LRP1B: variants seen among roughly 807,000 people sequenced by gnomAD.
LRP1B encodes the protein LDL receptor related protein 1B, also known as low-density lipoprotein receptor-related protein 1B.
Under a neutral mutation model 556.6 loss-of-function variants are expected in LRP1B, and 217 were observed. The ratio of observed to expected loss-of-function variants is 0.39; its 90% CI spans 0.35 to 0.44. The LOEUF is 0.44. Ranked by LOEUF, LRP1B falls within the 20% of genes least tolerant of loss-of-function variation. LRP1B has a pLI of 1.00. For missense variants in LRP1B, 5,053 were observed against 5,620.8 expected (o/e 0.90, Z 3.23); for synonymous variants, 2,047 against 1,865.8 (o/e 1.10, Z -2.50).
chr2:141,139,788 TG>T (rs1558887138), intron 7 of LRP1B, among the ~76,000 whole-genome samples: 10 of 92,498 alleles, frequency 1.1e-4, no homozygotes, highest in African/African-American at 5.8e-4. Context: ...AAAATGTGTG[TG>T]TGTGTGTGTG....
intron 7 of LRP1B, among the ~76,000 whole-genome samples, chr2:141,089,142 A>G (rs1464401211): frequency 6.6e-6 from 1 of 152,192 alleles, no homozygotes. Flanking sequence ...CCTCAAATCC[A>G]TTATAGTTTG....
At chr2:141,653,287 T>A in intron 2 of LRP1B, among the ~76,000 whole-genome samples, 1 of 152,184 alleles carries the variant, frequency 6.6e-6, no homozygotes. Flanking sequence ...TTAGCAGGCA[T>A]GTTGCAAGAT....
chr2:141,945,931 G>GATTTATTT (rs140141783), intron 1 of LRP1B, among the ~76,000 whole-genome samples: 1,920 of 151,006 alleles, frequency 0.013, 21 homozygotes, highest in African/African-American at 0.032. Context: ...AAACCAGCAG[G>GATTTATTT]ATTTATTTAT....
At chr2:141,561,885 TA>T (rs1013681676) in intron 2 of LRP1B, among the ~76,000 whole-genome samples, 2 of 152,022 alleles carry the variant, frequency 1.3e-5, no homozygotes, top group East Asian at 1.9e-4. Context: ...AGCTTATTTT[TA>T]AAAAATATTT....
At chr2:140,655,806 A>G (rs1295129681) in intron 41 of LRP1B, among the ~76,000 whole-genome samples, 2 of 148,832 alleles carry the variant, frequency 1.3e-5, no homozygotes, top group South Asian at 2.1e-4. Context: ...AGCCGGGCAT[A>G]GTGGCGGGCG....
chr2:141,585,355 C>A (rs1687099760), intron 2 of LRP1B, among the ~76,000 whole-genome samples: 1 of 151,298 alleles, frequency 6.6e-6, no homozygotes, highest in Non-Finnish European at 1.5e-5. Flanking sequence ...AACCCTTATT[C>A]AATGCAAAAT....
rs150174082 is a variant in LRP1B at position 140,541,800 on chromosome 2, C to G, written c.7366G>C (p.Val2456Leu). ...IPHQPMGIIA[V>L]ANDTNSCELS... ...TTACAGCTATTGGTGTCATTGGCAACAGCTATGATTCCCATTGGCTGATGT... is the reference window on the plus strand; with the variant it reads ...TTACAGCTATTGGTGTCATTGGCAAGAGCTATGATTCCCATTGGCTGATGT... Residue 2456 changes from valine (V) to leucine (L), a missense_variant, in exon 44 of 91, where the codon GTT (valine) becomes CTT (leucine). By Grantham distance (32) the Val-to-Leu change is conservative (BLOSUM62 1). Around this residue, in one of 5 missense-constraint regions of LRP1B, gnomAD observed 3,619 missense variants for 3,931.9 expected, o/e 0.92. Transcript: ENST00000389484. 4 of 1,610,986 alleles carry G rather than the reference C, an allele frequency of 2.5e-6. No individual in the cohort carries two copies. In the African/African-American group the frequency reaches 4.0e-5, roughly 16 times the overall value.
intron 18 of LRP1B, among the ~76,000 whole-genome samples, chr2:140,954,765 C>A (rs769911116): frequency 2.0e-5 from 3 of 151,858 alleles, no homozygotes; most frequent in Non-Finnish European, 4.4e-5. Context: ...ATAATGTAAA[C>A]GTGTGCTTTA....
At chr2:141,364,476 A>G (rs1688947294) in intron 3 of LRP1B, among the ~76,000 whole-genome samples, 1 of 152,170 alleles carries the variant, frequency 6.6e-6, no homozygotes, top group South Asian at 2.1e-4. Context: ...AATATGTACA[A>G]TTATTATTTG....
At chr2:141,740,899 TC>T (rs1473518959) in intron 2 of LRP1B, among the ~76,000 whole-genome samples, 4 of 152,188 alleles carry the variant, frequency 2.6e-5, no homozygotes, top group East Asian at 3.9e-4. Flanking sequence ...ACCATCCTCA[TC>T]CCCCTACCCC....
intron 1 of LRP1B, among the ~76,000 whole-genome samples, chr2:142,088,330 A>G (rs1179144600): frequency 1.3e-5 from 2 of 152,180 alleles, no homozygotes; most frequent in Non-Finnish European, 1.5e-5. Context: ...TCCCAGCTAC[A>G]TTTAATCTGA....
intron 32 of LRP1B, among the ~76,000 whole-genome samples, chr2:140,782,777 C>T (rs938360246): frequency 2.6e-5 from 4 of 152,118 alleles, no homozygotes; most frequent in African/African-American, 7.2e-5. Flanking sequence ...ATTTACCAAG[C>T]ACTTACTAAG....
chr2:140,273,338 C>A (rs369135587), intron 85 of LRP1B, among the ~76,000 whole-genome samples: 6 of 17,836 alleles, frequency 3.4e-4, no homozygotes, highest in African/African-American at 7.1e-4. Context: ...ATGATTTGGA[C>A]GCATGTTTCA....
chr2:141,810,277 A>T lies in LRP1B; in HGVS notation c.205+2T>A, dbSNP rs752524016. The T allele has an allele frequency of 2.5e-6, 4 of 1,612,864 alleles. No homozygotes were observed. The Admixed American group carries it at 6.7e-5, about 27-fold the overall frequency. On this transcript the variant is annotated splice_donor_variant, in intron 2 of 90. Coordinates refer to ENST00000389484, the MANE Select transcript of LRP1B (RefSeq NM_018557.3). LOFTEE classifies it high-confidence loss of function. ...GAATGGCATGAGAACCTTTCTACTC[A>T]CAGGTATCTAAAGACTCGTCTGAAT...
intron 2 of LRP1B, among the ~76,000 whole-genome samples, chr2:141,511,910 T>C (rs1336135858): frequency 6.6e-6 from 1 of 152,186 alleles, no homozygotes; most frequent in Non-Finnish European, 1.5e-5. Flanking sequence ...AATTTTCTTA[T>C]AAGAGGCATT....
intron 66 of LRP1B, among the ~76,000 whole-genome samples, chr2:140,435,710 A>G (rs1184908428): frequency 6.6e-6 from 1 of 152,088 alleles, no homozygotes; most frequent in Non-Finnish European, 1.5e-5. Flanking sequence ...ATAATTGCAT[A>G]TCCTTTTGGT....
rs554806001 is a variant in LRP1B, at chr2:141,712,970, G to A, written c.205+97309C>T. Among the ~76,000 whole-genome samples, 261 of 150,994 alleles carry A rather than the reference G, an allele frequency of 1.7e-3. 11 individuals are homozygous for A. The South Asian group carries it at 0.048, about 28-fold the overall frequency. On this transcript the variant is annotated intron_variant, in intron 2 of 90. Transcript: ENST00000389484. ...TGGGATTACAGGTGTGAGCCACGAC[G>A]TCCAGCCAATTATTATATATCTTCA...
intron 66 of LRP1B, among the ~76,000 whole-genome samples, chr2:140,406,782 G>C (rs569273232): frequency 2.0e-5 from 3 of 152,122 alleles, no homozygotes; most frequent in African/African-American, 4.8e-5. Flanking sequence ...GCAATCTATA[G>C]ATTTAATGCA....
chr2:140,653,218 T>A (rs1684751611), intron 41 of LRP1B, among the ~76,000 whole-genome samples: 2 of 152,076 alleles, frequency 1.3e-5, no homozygotes, highest in African/African-American at 4.8e-5. Flanking sequence ...AAGACAAATT[T>A]GAGGAAACCT....
Sources: gnomAD v4.1 joint callset for allele counts (sites outside exome capture counted in the v4.1 genomes callset) on GRCh38, gnomAD v4.1.1 for gene constraint, gnomAD v4.1.1 regional missense constraint, MANE v1.5 for transcripts, NCBI Gene and HGNC (gene_info 2026-07-23, HGNC 2026-07-21) for gene names.